The following DENND3 variants were observed in gnomAD, a reference collection of about 807,000 sequenced individuals.
DENND3 encodes the protein DENN domain-containing protein 3.
A neutral mutation model predicts 135.1 loss-of-function variants in DENND3; 88 were observed. The ratio of observed to expected loss-of-function variants is 0.65; its 90% CI spans 0.55 to 0.78. The LOEUF (loss-of-function observed/expected upper bound fraction) is 0.78. Ranked by LOEUF, DENND3 falls within the 30% of genes least tolerant of loss-of-function variation. The pLI, the probability that DENND3 is intolerant of heterozygous loss-of-function variation, is 0.00. For synonymous variants in DENND3, 693 were observed against 712.3 expected, an observed-to-expected ratio of 0.97 and a Z score of 0.43; for missense variants, 1,392 against 1,688.4, an observed-to-expected ratio of 0.82 and a Z score of 3.08.
chr8:141,171,503 AG>A (rs748727203), intron 13 of DENND3, among the ~76,000 whole-genome samples: 22 of 152,342 alleles, frequency 1.4e-4, no homozygotes, highest in Non-Finnish European at 1.6e-4. Flanking sequence ...CTAGCTGAGC[AG>A]GAACAGTTGT....
At position 141,139,038 on chromosome 8, in the gene DENND3, GA is replaced by G. The variant is rs531408891; in HGVS notation, c.501+903del. 1.4e-3 allele frequency among the ~76,000 whole-genome samples: 209 copies of G among 152,308 alleles called. 2 individuals are homozygous for G. The highest frequency in any genetic ancestry group is 2.8e-4 in the Non-Finnish European group (19 of 68,032). On this transcript the variant is annotated intron_variant, in intron 3 of 22. Coordinates refer to ENST00000519811, the MANE Select transcript of DENND3 (RefSeq NM_001352890.3). This position sits in a 1 kb window ranked among gnomAD's most constrained non-coding sequence, Gnocchi z 4.2. The stretch of plus-strand genomic sequence containing the variant: ...GTGTGTGAATCAGTGGGCCTTTGGG[GA>G]ACTCGTAGGGGAAACGATGTATCCA...
chr8:141,128,832 C>CG lies in DENND3; in HGVS notation c.102+25dup, dbSNP rs1555537219. The CG allele has an allele frequency of 1.5e-6, 2 of 1,361,796 alleles. No homozygotes were observed. Among genetic ancestry groups the CG allele is most frequent in the Non-Finnish European group, 1.9e-6 (2 of 1,048,826 alleles). 84.4% of individuals were successfully genotyped at this position (1,361,796 alleles called of 1,614,324 possible). ...CAGGTGAGGGGCGGGGAAACTGAGG[C>CG]GGACGTGGGCCACGAGTCGGCAGCC... On this transcript the variant is annotated intron_variant, in intron 1 of 22. Transcript: ENST00000519811. This position sits in a 1 kb window ranked among gnomAD's most constrained non-coding sequence, Gnocchi z 4.5.
At chr8:141,179,277 G>A (rs1280997282) in intron 16 of DENND3, among the ~76,000 whole-genome samples, 2 of 152,182 alleles carry the variant, frequency 1.3e-5, no homozygotes, top group African/African-American at 4.8e-5. Flanking sequence ...TGACAGTCCT[G>A]GAACCAGACA....
At position 141,193,113 on chromosome 8, in the gene DENND3, CTGTG is replaced by C. The variant is rs567131098; in HGVS notation, c.3636+456_3636+459del. 4 of 289,510 alleles carry C rather than the reference CTGTG, an allele frequency of 1.4e-5. No individual in the cohort carries two copies. The East Asian group carries it at 4.0e-4, about 29-fold the overall frequency. 17.9% of individuals were successfully genotyped at this position (289,510 alleles called of 1,614,324 possible). ...CTGCACCACATGGCACTCTCTCTCC[CTGTG>C]TGTGTCTCTTATGGGGATGCTGGTC... On this transcript the variant is annotated intron_variant, in intron 22 of 22. Transcript: ENST00000519811.
chr8:141,193,645 G>T (rs1279580091), intron 22 of DENND3: 2 of 192,884 alleles, frequency 1.0e-5, no homozygotes, highest in East Asian at 2.4e-4. Context: ...CTTAATTGGG[G>T]TATAATTGAT....
At chr8:141,147,900 G>A (rs748980950) in intron 5 of DENND3, among the ~76,000 whole-genome samples, 13 of 152,188 alleles carry the variant, frequency 8.5e-5, no homozygotes, top group Admixed American at 2.0e-4. Flanking sequence ...CGTCCCGTGC[G>A]TGTGTCTGAA....
chr8:141,192,143 A>T, intron 20 of DENND3, 188 bp from the exon 21 acceptor site: 1 of 598,590 alleles, frequency 1.7e-6, no homozygotes, highest in Non-Finnish European at 2.7e-6. Context: ...ATTTCTTCTT[A>T]AAGACCCAGG....
Position 141,141,348 on chromosome 8 carries a change from G to A in DENND3, c.623+24G>A. 1 of 1,611,806 alleles carries A rather than the reference G, an allele frequency of 6.2e-7. No individual in the cohort carries two copies. The highest frequency in any genetic ancestry group is 8.5e-7 in the Non-Finnish European group (1 of 1,179,808). On this transcript the variant is annotated intron_variant, in intron 4 of 22. Transcript: ENST00000519811. This position sits in a 1 kb window ranked among gnomAD's most constrained non-coding sequence, Gnocchi z 5.3. Reference sequence around the variant, plus strand: ...TGGTGAGCTGGGGCACCGGGGGCCAGGGGTGGTAGGGGGCAGCTCTTTGTG... The same window carrying A: ...TGGTGAGCTGGGGCACCGGGGGCCAAGGGTGGTAGGGGGCAGCTCTTTGTG...
At position 141,136,627 on chromosome 8, in the gene DENND3, G is replaced by A. The variant is rs1037940586; in HGVS notation, c.221G>A (p.Gly74Asp). The change falls in exon 2 of 23, where the codon GGC becomes GAC. Residue 74 changes from glycine (G) to aspartate (D), a missense_variant. Physicochemically the swap from Gly to Asp is moderately conservative, Grantham distance 94. Transcript: ENST00000519811. ...EDSQMAGANC[G>D]TLGKTRMRSL... ...AGTCAAATGGCCGGTGCCAACTGCG[G>A]CACTCTCGGTAAAACCCGGATGCGC... 2.5e-6 allele frequency: 4 copies of A among 1,609,106 alleles called. No homozygotes were observed. The highest frequency in any genetic ancestry group is 2.7e-5 in the African/African-American group (2 of 74,864).
At chr8:141,186,732 T>C (rs1279758326) in intron 18 of DENND3, among the ~76,000 whole-genome samples, 2 of 152,216 alleles carry the variant, frequency 1.3e-5, no homozygotes, top group African/African-American at 4.8e-5. Flanking sequence ...AGTGCCATGG[T>C]GTGTCGCTTC....
chr8:141,144,318 G>A lies in DENND3; in HGVS notation c.735+59G>A. The A allele has an allele frequency of 6.9e-7, 1 of 1,443,126 alleles. No individual in the cohort carries two copies. The highest frequency in any genetic ancestry group is 9.5e-7 in the Non-Finnish European group (1 of 1,050,996). The allele number at this position is 1,443,126 out of a possible 1,614,324, so 89.4% of individuals were successfully genotyped here. A position where few individuals can be genotyped will look rare whatever the true frequency, so the allele number is the denominator to read the frequency against. ...TTGCAAATAGTAAAAGTAAGATGTT[G>A]AAGATAATGTAAATGCTCACAACTA... is the stretch of plus-strand genomic sequence containing the variant. On this transcript the variant is annotated intron_variant, in intron 5 of 22. Coordinates refer to ENST00000519811, the MANE Select transcript of DENND3 (RefSeq NM_001352890.3). The surrounding 1 kb of genome is among the most constrained non-coding windows in gnomAD (Gnocchi z 4.4).
chr8:141,192,626 GCT>G lies in DENND3; in HGVS notation c.3602_3603del (p.Ser1201Ter). 6.2e-7 allele frequency: 1 copy of G among 1,604,406 alleles called. No homozygotes were observed. The highest frequency in any genetic ancestry group is 1.7e-4 in the Middle Eastern group (1 of 6,026). ...CCGCAGAGGGTGCCCCTCGAGGACT[GCT>G]CTGAGATCAACTGCATGATCCGGGT... is the stretch of plus-strand genomic sequence containing the variant. On this transcript the variant is annotated frameshift_variant, in exon 22 of 23. Coordinates refer to ENST00000519811, the MANE Select transcript of DENND3 (RefSeq NM_001352890.3). LOFTEE classifies it high-confidence loss of function.
chr8:141,154,006 A>G lies in DENND3; in HGVS notation c.1075-1843A>G, dbSNP rs879924513. On this transcript the variant is annotated intron_variant, in intron 7 of 22. Transcript: ENST00000519811. The surrounding 1 kb of genome is among the most constrained non-coding windows in gnomAD (Gnocchi z 4.4). The stretch of plus-strand genomic sequence containing the variant: ...GCAGGAAGGAGCTGGCAGTGACCCT[A>G]TGCGCCTCCACCAAACACTTGTGTC... Among the ~76,000 whole-genome samples the G allele has an allele frequency of 2.6e-5, 4 of 152,128 alleles. No homozygotes were observed. The highest frequency in any genetic ancestry group is 5.9e-5 in the Non-Finnish European group (4 of 68,012).
At chr8:141,187,743 C>A (rs1297687165) in intron 18 of DENND3, among the ~76,000 whole-genome samples, 2 of 152,086 alleles carry the variant, frequency 1.3e-5, no homozygotes, top group Non-Finnish European at 2.9e-5. Context: ...ATATTCAAAT[C>A]ATGAGCCTCA....
rs760130588 is a variant in DENND3, at chr8:141,136,567, C to G, written c.161C>G (p.Ser54Cys). 1 of 1,566,438 alleles carries G rather than the reference C, an allele frequency of 6.4e-7. No homozygotes were observed. The stretch of plus-strand genomic sequence containing the variant: ...GCTCTTCTTGATCCAGAGGTCCTGT[C>G]CATTTTCGTGCCTCCTTTTATCAGT... ...LSALLDPEVL[S>C]IFVPPFISKE... The change falls in exon 2 of 23, where the codon TCC (serine) becomes TGC (cysteine). Residue 54 changes from serine to cysteine, a missense_variant. Ser to Cys is a moderately radical substitution (Grantham distance 112, BLOSUM62 -1). Transcript: ENST00000519811.
chr8:141,133,713 G>A (rs1234159231), intron 1 of DENND3, among the ~76,000 whole-genome samples: 2 of 150,824 alleles, frequency 1.3e-5, no homozygotes, highest in Non-Finnish European at 3.0e-5. Flanking sequence ...GTGGGGCATG[G>A]TGGGGCTGGG....
intron 1 of DENND3, among the ~76,000 whole-genome samples, chr8:141,133,237 A>C (rs1167356966): frequency 6.6e-6 from 1 of 152,024 alleles, no homozygotes; most frequent in East Asian, 1.9e-4. Flanking sequence ...TGAGAACCCC[A>C]GGGAGTTTAG....
At chr8:141,151,304 T>C (rs1419078011) in intron 6 of DENND3, among the ~76,000 whole-genome samples, 2 of 152,208 alleles carry the variant, frequency 1.3e-5, no homozygotes, top group Non-Finnish European at 2.9e-5. Context: ...CTCATGCCTG[T>C]AATCCCAGTA....
chr8:141,140,669 C>A (rs1267350018), intron 3 of DENND3, among the ~76,000 whole-genome samples: 6 of 152,232 alleles, frequency 3.9e-5, no homozygotes, highest in Non-Finnish European at 8.8e-5. Context: ...CTGAAGCTAT[C>A]ATCATGCCCT....
Sources: allele counts gnomAD v4.1 joint callset (sites outside exome capture counted in the v4.1 genomes callset), GRCh38; gene constraint gnomAD v4.1.1; non-coding constraint Gnocchi (gnomAD v3.1); transcripts MANE v1.5; gene names NCBI Gene and HGNC (gene_info 2026-07-23, HGNC 2026-07-21).